CEP57: variants seen among roughly 807,000 people sequenced by gnomAD.
CEP57 encodes centrosomal protein 57.
CEP57 carries 40 observed loss-of-function variants against 68.0 expected under a neutral mutation model. The observed-to-expected ratio is 0.59, with a 90% CI of 0.46 to 0.77. The LOEUF is 0.77. Among genes scored for constraint, CEP57 ranks in the 30% least tolerant of loss-of-function variants. CEP57 has a pLI of 0.00. For synonymous variants in CEP57, 219 were observed against 198.7 expected (o/e 1.10, Z -0.86); for missense variants, 606 against 580.7 (o/e 1.04, Z -0.45).
intron 6 of CEP57, among the ~76,000 whole-genome samples, chr11:95,819,330 C>CCAGTTAA (rs1862428914): frequency 6.6e-6 from 1 of 152,082 alleles, no homozygotes; most frequent in Non-Finnish European, 1.5e-5. Flanking sequence ...AGCTATTGAC[C>CCAGTTAA]CAGACCAGTT....
chr11:95,821,796 T>C (rs1381701997), intron 6 of CEP57, 75 bp from the exon 7 acceptor site: 4 of 1,036,158 alleles, frequency 3.9e-6, no homozygotes, highest in Admixed American at 1.8e-5. Flanking sequence ...TACAGGCTTT[T>C]TACATGACAC....
chr11:95,792,757 G>A (rs371288469), intron 1 of CEP57, among the ~76,000 whole-genome samples: 1 of 152,088 alleles, frequency 6.6e-6, no homozygotes, highest in East Asian at 1.9e-4. Context: ...GTCTATTTTG[G>A]AAGTTACTGT....
chr11:95,806,690 G>T (rs1347929661), intron 2 of CEP57, among the ~76,000 whole-genome samples: 1 of 152,214 alleles, frequency 6.6e-6, no homozygotes, highest in Admixed American at 6.5e-5. Context: ...ATCCGCAATT[G>T]CTGAAGCTTG....
In CEP57 at chr11:95,824,351, G is replaced by A. The variant is rs141816045; in HGVS notation, c.885+1775G>A. Among the ~76,000 whole-genome samples, 165 of 152,170 alleles carry A rather than the reference G, an allele frequency of 1.1e-3. 2 individuals are homozygous for A. The East Asian group carries it at 0.03, about 28-fold the overall frequency. ...TTGCAAAATAGCTTTTTATCTCATTGAAAATGCAGCTTTTATGTGGATGCA... is the reference window on the plus strand; with the variant it reads ...TTGCAAAATAGCTTTTTATCTCATTAAAAATGCAGCTTTTATGTGGATGCA... On this transcript the variant is annotated intron_variant, in intron 8 of 10. Coordinates refer to ENST00000325542, the MANE Select transcript of CEP57 (RefSeq NM_014679.5).
At position 95,802,993 on chromosome 11, in the gene CEP57, C is replaced by A. The variant is rs16922556; in HGVS notation, c.202+3605C>A. 9.1e-3 allele frequency among the ~76,000 whole-genome samples: 1,379 copies of A among 152,300 alleles called. 24 individuals are homozygous for A. The highest frequency in any genetic ancestry group is 0.032 in the African/African-American group (1,320 of 41,554). On this transcript the variant is annotated intron_variant, in intron 2 of 10. Coordinates refer to ENST00000325542, the MANE Select transcript of CEP57 (RefSeq NM_014679.5). ...ATAGCTCCTTGAGGCCAAAGACAGT[C>A]TTCACGCCTTGCAGAGTGCTTCACA...
chr11:95,799,192 T>C (rs760253505), intron 1 of CEP57, 40 bp from the exon 2 acceptor site: 1 of 1,609,970 alleles, frequency 6.2e-7, no homozygotes, highest in South Asian at 1.1e-5. Flanking sequence ...CTATTTGTGG[T>C]TCACACTTTT....
upstream of CEP57, chr11:95,790,241 C>T: frequency 5.1e-6 from 1 of 195,978 alleles, no homozygotes; most frequent in Non-Finnish European, 1.1e-5. Context: ...TTCGCCTTCG[C>T]TTTTGTTTTA....
intron 2 of CEP57, among the ~76,000 whole-genome samples, chr11:95,812,137 G>A (rs570691623): frequency 4.3e-4 from 66 of 152,088 alleles, no homozygotes; most frequent in Non-Finnish European, 7.7e-4. Flanking sequence ...CTTAAAATGC[G>A]GATTTTAAAA....
intron 6 of CEP57, among the ~76,000 whole-genome samples, chr11:95,821,633 C>G (rs2135351075): frequency 6.6e-6 from 1 of 152,142 alleles, no homozygotes; most frequent in Admixed American, 6.5e-5. Flanking sequence ...ATAATGTGTT[C>G]CACGCTGAAG....
At chr11:95,820,751 T>A (rs1862488944) in intron 6 of CEP57, among the ~76,000 whole-genome samples, 1 of 152,108 alleles carries the variant, frequency 6.6e-6, no homozygotes, top group African/African-American at 2.4e-5. Context: ...AAAAAAAAGT[T>A]CTTGTATACT....
At chr11:95,829,948 G>A (rs1862929401) in intron 10 of CEP57, among the ~76,000 whole-genome samples, 2 of 152,088 alleles carry the variant, frequency 1.3e-5, no homozygotes, top group Admixed American at 6.6e-5. Context: ...TGTTTTGGAA[G>A]TAAAAAAAAT....
At chr11:95,814,846 G>A (rs1862235424) in intron 4 of CEP57, among the ~76,000 whole-genome samples, 1 of 152,134 alleles carries the variant, frequency 6.6e-6, no homozygotes, top group South Asian at 2.1e-4. Context: ...ATCCATGAGT[G>A]AATTGGTTCT....
intron 1 of CEP57, 104 bp downstream of exon 1, chr11:95,790,847 G>T (rs1334813921): frequency 3.7e-6 from 5 of 1,359,582 alleles, no homozygotes; most frequent in Non-Finnish European, 5.1e-6. Context: ...ACGCAATTCT[G>T]GAGGTCGGCG....
At chr11:95,803,945 G>A (rs1036666827) in intron 2 of CEP57, among the ~76,000 whole-genome samples, 6 of 151,798 alleles carry the variant, frequency 4.0e-5, no homozygotes, top group Admixed American at 3.9e-4. Context: ...TGAGGTAAGG[G>A]GAAACTCCCA....
At chr11:95,801,343 AT>A (rs1861569625) in intron 2 of CEP57, among the ~76,000 whole-genome samples, 1 of 151,884 alleles carries the variant, frequency 6.6e-6, no homozygotes. Flanking sequence ...AAAATTTTTA[AT>A]TAATGGTTAA....
intron 4 of CEP57, among the ~76,000 whole-genome samples, chr11:95,814,225 G>A (rs547465648): frequency 6.6e-6 from 1 of 150,556 alleles, no homozygotes; most frequent in Admixed American, 6.6e-5. Context: ...GCTAACTTTT[G>A]TGTGTGTGTG....
Position 95,817,769 on chromosome 11 carries a change from T to C in CEP57, c.505-18T>C. ...TTGATTGTCAAATTATCAAGCCGTA[T>C]TGAATATTGTTTTTCAGGTTTCCCT... On this transcript the variant is annotated intron_variant, in intron 4 of 10. Coordinates refer to ENST00000325542, the MANE Select transcript of CEP57 (RefSeq NM_014679.5). 2 of 1,496,880 alleles carry C rather than the reference T, an allele frequency of 1.3e-6. No homozygotes were observed. The highest frequency in any genetic ancestry group is 9.3e-7 in the Non-Finnish European group (1 of 1,073,336). 92.7% of individuals were successfully genotyped at this position (1,496,880 alleles called of 1,614,324 possible). A position where few individuals can be genotyped will look rare whatever the true frequency, so the allele number is the denominator to read the frequency against.
intron 2 of CEP57, among the ~76,000 whole-genome samples, chr11:95,805,152 G>T (rs1325041222): frequency 6.6e-6 from 1 of 152,080 alleles, no homozygotes; most frequent in Non-Finnish European, 1.5e-5. Context: ...ATGAAGGAGT[G>T]CAAAAAATGT....
intron 8 of CEP57, chr11:95,823,257 G>A (rs1481096736): frequency 1.3e-5 from 2 of 152,310 alleles, no homozygotes; most frequent in East Asian, 1.9e-4. Context: ...TAGTAAATTC[G>A]CAGTGAAATC....
Sources: gnomAD v4.1 joint callset for allele counts (sites outside exome capture counted in the v4.1 genomes callset) on GRCh38, gnomAD v4.1.1 for gene constraint, MANE v1.5 for transcripts, NCBI Gene and HGNC (gene_info 2026-07-23, HGNC 2026-07-21) for gene names.